Variants in NEK7 observed in about 807,000 individuals in gnomAD.
NEK7 encodes NIMA related kinase 7, also known as serine/threonine-protein kinase Nek7.
NEK7 carries 18 observed loss-of-function variants against 44.6 expected under a neutral mutation model. The observed-to-expected ratio is 0.40, with a 90% CI of 0.28 to 0.60. NEK7 has a LOEUF of 0.60. NEK7 is among the 20% of genes least tolerant of loss of function. The pLI, the probability that NEK7 is intolerant of heterozygous loss-of-function variation, is 0.38. For missense variants in NEK7, 256 were observed against 366.5 expected, an observed-to-expected ratio of 0.70 and a Z score of 2.46; for synonymous variants, 130 against 121.1, an observed-to-expected ratio of 1.07 and a Z score of -0.48.
At chr1:198,304,566 TTC>T (rs1654974443) in intron 9 of NEK7, among the ~76,000 whole-genome samples, 1 of 152,156 alleles carries the variant, frequency 6.6e-6, no homozygotes, top group African/African-American at 2.4e-5. Context: ...GTCTTTATTA[TTC>T]TGTTGAGAAT....
intron 1 of NEK7, among the ~76,000 whole-genome samples, chr1:198,169,738 A>T (rs1235165013): frequency 6.6e-6 from 1 of 152,198 alleles, no homozygotes; most frequent in Non-Finnish European, 1.5e-5. Flanking sequence ...CTGCTCAAGT[A>T]CTATACAAAA....
intron 1 of NEK7, among the ~76,000 whole-genome samples, chr1:198,184,986 C>G (rs1171540132): frequency 1.3e-5 from 2 of 151,972 alleles, no homozygotes; most frequent in African/African-American, 2.4e-5. Context: ...ATATTTTTAA[C>G]CAAAATAGAA....
intron 9 of NEK7, among the ~76,000 whole-genome samples, chr1:198,300,138 A>G (rs556339538): frequency 1.3e-5 from 2 of 152,278 alleles, no homozygotes; most frequent in South Asian, 2.1e-4. Flanking sequence ...GATCTCATCC[A>G]TGTATCAATG....
chr1:198,196,305 C>T (rs1665235042), intron 1 of NEK7, among the ~76,000 whole-genome samples: 1 of 152,112 alleles, frequency 6.6e-6, no homozygotes, highest in African/African-American at 2.4e-5. Context: ...CAGGTGACTT[C>T]TTGATGTTTC....
At position 198,157,012 on chromosome 1, in the gene NEK7, G is replaced by T. The variant is rs952685738; in HGVS notation, c.-293G>T. Reference sequence around the variant, plus strand: ...CCGGGATGTTTACACTCCTGACAGCGGCGGCAGCAGGAGGAGGATCGGGAG... The same window carrying T: ...CCGGGATGTTTACACTCCTGACAGCTGCGGCAGCAGGAGGAGGATCGGGAG... On this transcript the variant is annotated 5_prime_UTR_variant, in exon 1 of 10. Coordinates refer to ENST00000367385, the MANE Select transcript of NEK7 (RefSeq NM_133494.3). 1 of 152,208 alleles carries T rather than the reference G, an allele frequency of 6.6e-6. No homozygotes were observed. Among genetic ancestry groups the T allele is most frequent in the Non-Finnish European group, 1.5e-5 (1 of 68,084 alleles). 9.4% of individuals were successfully genotyped at this position (152,208 alleles called of 1,614,324 possible). A position where few individuals can be genotyped will look rare whatever the true frequency, so the allele number is the denominator to read the frequency against.
intron 3 of NEK7, among the ~76,000 whole-genome samples, chr1:198,261,075 A>C (rs976444629): frequency 9.9e-5 from 15 of 152,018 alleles, no homozygotes; most frequent in Admixed American, 9.8e-4. Flanking sequence ...ATTTACTTTT[A>C]TGCAGTAGAT....
At chr1:198,296,100 C>T (rs1558099705) in intron 8 of NEK7, among the ~76,000 whole-genome samples, 1 of 152,106 alleles carries the variant, frequency 6.6e-6, no homozygotes, top group Non-Finnish European at 1.5e-5. Context: ...AGATGAGAGC[C>T]ATTTTCAGCT....
At chr1:198,163,184 T>G (rs1453354365) in intron 1 of NEK7, among the ~76,000 whole-genome samples, 1 of 152,296 alleles carries the variant, frequency 6.6e-6, no homozygotes, top group South Asian at 2.1e-4. Flanking sequence ...TATATCTAAC[T>G]GCTGGACCAT....
intron 1 of NEK7, among the ~76,000 whole-genome samples, chr1:198,226,831 TAAAG>T (rs1366270457): frequency 1.3e-5 from 2 of 151,100 alleles, no homozygotes; most frequent in African/African-American, 4.9e-5. Flanking sequence ...GAGATGGCCA[TAAAG>T]AAATTCTCTG....
At chr1:198,271,918 T>TAC (rs201751610) in intron 5 of NEK7, among the ~76,000 whole-genome samples, 3,307 of 139,092 alleles carry the variant, frequency 0.024, 54 homozygotes, top group East Asian at 0.048. Context: ...TATATATATA[T>TAC]ATATATACAC....
chr1:198,279,305 T>C lies in NEK7; in HGVS notation c.589+244T>C, dbSNP rs571006750. Reference sequence around the variant, plus strand: ...TTAAAAAAAAAAATGCTGATAAGTCTGGTTTAACTATTGCCATAGAAAAGT... The same window carrying C: ...TTAAAAAAAAAAATGCTGATAAGTCCGGTTTAACTATTGCCATAGAAAAGT... On this transcript the variant is annotated intron_variant, in intron 7 of 9. Coordinates refer to ENST00000367385, the MANE Select transcript of NEK7 (RefSeq NM_133494.3). 2.6e-5 allele frequency among the ~76,000 whole-genome samples: 4 copies of C among 152,084 alleles called. No homozygotes were observed. The East Asian group carries it at 7.8e-4, about 29-fold the overall frequency.
intron 6 of NEK7, among the ~76,000 whole-genome samples, chr1:198,278,487 TG>T (rs1369149729): frequency 6.7e-6 from 1 of 149,884 alleles, no homozygotes; most frequent in Non-Finnish European, 1.5e-5. Context: ...GATACTGAAG[TG>T]TGAAAAATTT....
intron 5 of NEK7, among the ~76,000 whole-genome samples, chr1:198,274,546 A>T (rs1348338715): frequency 2.0e-5 from 3 of 151,736 alleles, no homozygotes; most frequent in African/African-American, 7.2e-5. Context: ...AGAGAATAGT[A>T]ATTTTTTTGT....
intron 1 of NEK7, among the ~76,000 whole-genome samples, chr1:198,201,163 G>A (rs1486803418): frequency 3.3e-5 from 5 of 152,072 alleles, no homozygotes; most frequent in Non-Finnish European, 7.4e-5. Context: ...TTTGTGTGTT[G>A]TGTTGACGAG....
intron 9 of NEK7, among the ~76,000 whole-genome samples, chr1:198,300,593 T>A (rs1329505496): frequency 6.6e-6 from 1 of 152,242 alleles, no homozygotes; most frequent in Admixed American, 6.5e-5. Context: ...TGTAGTAGCT[T>A]CCTTGCATGG....
chr1:198,264,301 A>G, intron 5 of NEK7, 66 bp downstream of exon 5: 1 of 1,114,266 alleles, frequency 9.0e-7, no homozygotes, highest in African/African-American at 1.6e-5. Context: ...TTGTCTGTTA[A>G]ACACATAGGG....
chr1:198,289,234 G>A (rs955177253), intron 7 of NEK7, among the ~76,000 whole-genome samples: 2 of 151,828 alleles, frequency 1.3e-5, no homozygotes, highest in African/African-American at 4.8e-5. Flanking sequence ...AATATTCAAA[G>A]CTTTCTTTTC....
intron 5 of NEK7, among the ~76,000 whole-genome samples, chr1:198,269,118 C>G (rs1045015286): frequency 6.6e-6 from 1 of 152,060 alleles, no homozygotes; most frequent in Non-Finnish European, 1.5e-5. Flanking sequence ...ACTTAAATTT[C>G]TGTTGAGCAC....
chr1:198,306,982 A>C (rs1655039958), intron 9 of NEK7, among the ~76,000 whole-genome samples: 1 of 152,170 alleles, frequency 6.6e-6, no homozygotes, highest in Non-Finnish European at 1.5e-5. Flanking sequence ...AATATTTGAG[A>C]TAATTTATTG....
Sources: gnomAD v4.1 joint callset for allele counts (sites outside exome capture counted in the v4.1 genomes callset) on GRCh38, gnomAD v4.1.1 for gene constraint, MANE v1.5 for transcripts, NCBI Gene and HGNC (gene_info 2026-07-23, HGNC 2026-07-21) for gene names.